Variants in RGS5 observed in about 807,000 individuals in gnomAD.
RGS5 encodes the protein regulator of G protein signaling 5, also known as regulator of G-protein signalling 5.
A neutral mutation model predicts 18.9 loss-of-function variants in RGS5; 20 were observed. The ratio of observed to expected loss-of-function variants is 1.06; its 90% confidence interval spans 0.74 to 1.54. The LOEUF is 1.54. Ranked by LOEUF, RGS5 falls within the 40% of genes most tolerant of loss-of-function variation. RGS5 has a pLI of 0.00. For synonymous variants in RGS5, 57 were observed against 76.2 expected (o/e 0.75, Z 1.31); for missense variants, 201 against 211.8 (o/e 0.95, Z 0.32).
chr1:163,162,012 G>T, intron 2 of RGS5, 36 bp from the exon 3 acceptor site: 1 of 1,486,702 alleles, frequency 6.7e-7, no homozygotes, highest in South Asian at 1.1e-5. Flanking sequence ...GGGGTATGGC[G>T]TAAGTAGGCA....
intron 2 of RGS5, among the ~76,000 whole-genome samples, chr1:163,300,969 G>A (rs1357663777): frequency 1.3e-5 from 2 of 152,160 alleles, no homozygotes; most frequent in East Asian, 3.9e-4. Context: ...CAGGCTACAG[G>A]CCTGGTATGG....
chr1:163,208,531 A>AAAGAC (rs2101668544), intron 1 of RGS5, among the ~76,000 whole-genome samples: 1 of 144,924 alleles, frequency 6.9e-6, no homozygotes, highest in Non-Finnish European at 1.5e-5. Flanking sequence ...AAAAAAAAAA[A>AAAGAC]AAAAAAAAAA....
Position 163,275,789 on chromosome 1 carries a change from T to A in RGS5, c.-281+30444A>T, listed in dbSNP as rs184751899. On this transcript the variant is annotated intron_variant, in intron 2 of 5. Transcript: ENST00000618415. ...TTAAAGAAAATAGATGCTCAGGATA[T>A]ATAATAAGTAAGGGAGGGAGGAAGA... Among the ~76,000 whole-genome samples, 255 of 152,086 alleles carry A rather than the reference T, an allele frequency of 1.7e-3. 2 individuals carry two copies. Among genetic ancestry groups the A allele is most frequent in the African/African-American group, 5.9e-3 (245 of 41,486 alleles).
At chr1:163,234,617 T>C (rs76677739) in intron 2 of RGS5, among the ~76,000 whole-genome samples, 13,504 of 152,266 alleles carry the variant, frequency 0.089, 660 homozygotes, top group Middle Eastern at 0.13. Flanking sequence ...TAGAATGTGT[T>C]TGTAAAGCCA....
At chr1:163,166,425 T>A (rs759391646) in intron 2 of RGS5, among the ~76,000 whole-genome samples, 4 of 152,168 alleles carry the variant, frequency 2.6e-5, no homozygotes, top group Non-Finnish European at 5.9e-5. Flanking sequence ...AGAATTATTT[T>A]CCCCTCTGAA....
At chr1:163,152,450 A>T in intron 4 of RGS5, 100 bp downstream of exon 4, 1 of 1,274,934 alleles carries the variant, frequency 7.8e-7, no homozygotes, top group Non-Finnish European at 1.1e-6. Context: ...ACAAATAGGA[A>T]TAGCCTTTGG....
intron 2 of RGS5, among the ~76,000 whole-genome samples, chr1:163,226,099 T>C (rs1220299804): frequency 1.3e-5 from 2 of 150,986 alleles, no homozygotes; most frequent in Non-Finnish European, 3.0e-5. Context: ...TTTGTGTTTT[T>C]AGTAGAGATG....
intron 1 of RGS5, among the ~76,000 whole-genome samples, chr1:163,185,527 C>T (rs758612619): frequency 2.0e-5 from 3 of 152,116 alleles, no homozygotes; most frequent in African/African-American, 7.2e-5. Flanking sequence ...ATCTGTGATC[C>T]TCCCTTCTCT....
intron 2 of RGS5, among the ~76,000 whole-genome samples, chr1:163,243,230 G>A (rs1647835530): frequency 6.6e-6 from 1 of 152,162 alleles, no homozygotes; most frequent in Non-Finnish European, 1.5e-5. Flanking sequence ...TCATAAGTGG[G>A]AGATGAACAG....
intron 1 of RGS5, among the ~76,000 whole-genome samples, chr1:163,198,538 A>G (rs962359736): frequency 8.5e-5 from 13 of 152,190 alleles, no homozygotes; most frequent in African/African-American, 3.1e-4. Context: ...TGGGCAATGA[A>G]TAACCATAAG....
chr1:163,272,969 G>T (rs1231043702), intron 2 of RGS5, among the ~76,000 whole-genome samples: 1 of 151,848 alleles, frequency 6.6e-6, no homozygotes, highest in Non-Finnish European at 1.5e-5. Flanking sequence ...ATTCCATTGT[G>T]ATTTCTTTTT....
intron 2 of RGS5, among the ~76,000 whole-genome samples, chr1:163,249,955 G>A (rs1384896995): frequency 6.6e-6 from 1 of 152,128 alleles, no homozygotes; most frequent in African/African-American, 2.4e-5. Context: ...CCTTCTCTCA[G>A]CTGCCCTAGC....
upstream of RGS5, among the ~76,000 whole-genome samples, chr1:163,218,020 T>TA (rs1190532166): frequency 2.0e-5 from 3 of 151,294 alleles, no homozygotes; most frequent in East Asian, 5.9e-4. Flanking sequence ...AAGCTTGGGC[T>TA]AAAAGTGACC....
chr1:163,301,984 G>A (rs2101642747), intron 2 of RGS5, among the ~76,000 whole-genome samples: 1 of 143,054 alleles, frequency 7.0e-6, no homozygotes, highest in African/African-American at 2.5e-5. Flanking sequence ...TCCAAATATT[G>A]GCTTCTTAAT....
intron 1 of RGS5, among the ~76,000 whole-genome samples, chr1:163,200,867 A>C (rs1659747874): frequency 6.6e-6 from 1 of 152,186 alleles, no homozygotes; most frequent in Non-Finnish European, 1.5e-5. Context: ...TGCATCAAAA[A>C]ATAAAGTGAT....
chr1:163,194,031 T>G (rs879237609), intron 1 of RGS5, among the ~76,000 whole-genome samples: 1 of 152,126 alleles, frequency 6.6e-6, no homozygotes, highest in Non-Finnish European at 1.5e-5. Context: ...GAGGAAAAAA[T>G]GAAGTTAACT....
chr1:163,208,100 C>T (rs1659991285), intron 1 of RGS5, among the ~76,000 whole-genome samples: 1 of 151,830 alleles, frequency 6.6e-6, no homozygotes, highest in Non-Finnish European at 1.5e-5. Flanking sequence ...AAAACCCAGC[C>T]TGGTTAACAA....
rs558840150 is a variant in RGS5, at chr1:163,311,720, A to G, written c.-377-5391T>C. 3.9e-4 allele frequency among the ~76,000 whole-genome samples: 60 copies of G among 152,334 alleles called. 1 individual carries two copies. Among genetic ancestry groups the G allele is most frequent in the African/African-American group, 1.3e-3 (53 of 41,566 alleles). ...TTATATGGGTGGTTCTTGGTGCCCC[A>G]AAACAATTATAATAGTAACATCAAA... is the stretch of plus-strand genomic sequence containing the variant. On this transcript the variant is annotated intron_variant, in intron 1 of 5. Coordinates refer to the RGS5 transcript ENST00000618415.
At chr1:163,320,134 T>C (rs1450001727) in intron 1 of RGS5, among the ~76,000 whole-genome samples, 1 of 152,198 alleles carries the variant, frequency 6.6e-6, no homozygotes, top group Non-Finnish European at 1.5e-5. Context: ...TTTCTCTTTC[T>C]CCATGGTCCA....
Sources: allele counts gnomAD v4.1 joint callset (sites outside exome capture counted in the v4.1 genomes callset), GRCh38; gene constraint gnomAD v4.1.1; transcripts MANE v1.5; gene names NCBI Gene and HGNC (gene_info 2026-07-23, HGNC 2026-07-21).